The following MUC12 variants were observed in gnomAD, a reference collection of about 807,000 sequenced individuals.
MUC12 encodes the protein mucin-12.
A neutral mutation model predicts 230.8 loss-of-function variants in MUC12; 172 were observed. The observed-to-expected ratio is 0.75, with a 90% CI of 0.66 to 0.85. The LOEUF is 0.85. MUC12 is among the 40% of genes least tolerant of loss of function. The pLI, the probability that MUC12 is intolerant of heterozygous loss-of-function variation, is 0.00. For missense variants in MUC12, 3,506 were observed against 5,920.6 expected (o/e 0.59, Z 13.38); for synonymous variants, 1,259 against 2,401.9 (o/e 0.52, Z 13.91).
chr7:101,011,435 T>C (rs1793839111), intron 5 of MUC12, among the ~76,000 whole-genome samples: 1 of 152,176 alleles, frequency 6.6e-6, no homozygotes, highest in African/African-American at 2.4e-5. Flanking sequence ...CTTTCTTTTT[T>C]AAATTTTAAA....
At chr7:100,983,842 G>A (rs1180472999) in intron 1 of MUC12, among the ~76,000 whole-genome samples, 3 of 151,998 alleles carry the variant, frequency 2.0e-5, no homozygotes, top group Middle Eastern at 3.2e-3. Context: ...CTTTTATAAC[G>A]TAAAAATTCC....
chr7:100,989,458 C>A (rs1194263069), intron 1 of MUC12, among the ~76,000 whole-genome samples: 1 of 151,782 alleles, frequency 6.6e-6, no homozygotes, highest in Non-Finnish European at 1.5e-5. Context: ...GATGTGTAAA[C>A]CAGACAATAT....
intron 10 of MUC12, among the ~76,000 whole-genome samples, chr7:101,016,536 A>G (rs1793924022): frequency 6.6e-6 from 1 of 152,162 alleles, no homozygotes; most frequent in Admixed American, 6.5e-5. Context: ...GCTGGTCTCG[A>G]ACTCCAGACC....
Position 101,014,026 on chromosome 7 carries a change from T to G in MUC12, c.15752T>G (p.Leu5251Trp), listed in dbSNP as rs777830151. 2 of 1,536,878 alleles carry G rather than the reference T, an allele frequency of 1.3e-6. No homozygotes were observed. The highest frequency in any genetic ancestry group is 8.7e-7 in the Non-Finnish European group (1 of 1,146,814). Residue 5251 changes from leucine (L) to tryptophan (W), a missense_variant, in exon 9 of 12, where the codon TTG becomes TGG. Transcript: ENST00000536621. Reference protein sequence around the residue: ...GAVMAVLLLALIILIILFSLS... With the variant: ...GAVMAVLLLAWIILIILFSLS... ...GTGATGGCGGTGCTGCTGCTCGCAT[T>G]GATCATCCTAATCATCTTATTCAGC...
rs1051536855 is a variant in MUC12, at chr7:100,995,725, G to A, written c.5162G>A (p.Ser1721Asn). Reference sequence around the variant, plus strand: ...TCTACAACCTCCCACGGCAGCCCGAGCTCAACTCCAACAACCCACTTTTCT... The same window carrying A: ...TCTACAACCTCCCACGGCAGCCCGAACTCAACTCCAACAACCCACTTTTCT... ...ELSTTSHGSP[S>N]STPTTHFSAS... Residue 1721 changes from serine (S) to asparagine (N), a missense_variant, in exon 2 of 12, where the codon AGC becomes AAC. By Grantham distance (46) the Ser-to-Asn change is conservative (BLOSUM62 1). Transcript: ENST00000536621. 1.1e-5 allele frequency: 17 copies of A among 1,535,516 alleles called. No individual in the cohort carries two copies. The highest frequency in any genetic ancestry group is 1.7e-4 in the Middle Eastern group (1 of 6,000).
intron 4 of MUC12, 59 bp from the exon 5 acceptor site, chr7:101,009,036 T>C: frequency 6.6e-7 from 1 of 1,517,618 alleles, no homozygotes; most frequent in Middle Eastern, 2.0e-4. Flanking sequence ...TCAAGAAGGG[T>C]AACAGGAGAG....
In MUC12 at chr7:100,994,448, G is replaced by A; in HGVS notation, c.3885G>A (p.Glu1295=). ...GTCCCACAACACCAAGCCTCAGTGAGAAATCAACCACCTTCTACACTAGCC... is the reference window on the plus strand; with the variant it reads ...GTCCCACAACACCAAGCCTCAGTGAAAAATCAACCACCTTCTACACTAGCC... The part of the protein sequence containing the change: ...PGSPTTPSLS[E]KSTTFYTSPR... The change falls in exon 2 of 12, where the codon GAG becomes GAA. Residue 1295 remains glutamate (E), a synonymous_variant. Transcript: ENST00000536621. 2 of 989,564 alleles carry A rather than the reference G, an allele frequency of 2.0e-6. No individual in the cohort carries two copies. The highest frequency in any genetic ancestry group is 2.4e-5 in the Admixed American group (1 of 41,206). The allele number at this position is 989,564 out of a possible 1,614,324, so 61.3% of individuals were successfully genotyped here. A position where few individuals can be genotyped will look rare whatever the true frequency, so the allele number is the denominator to read the frequency against.
At chr7:100,986,566 A>G (rs138919710) in intron 1 of MUC12, among the ~76,000 whole-genome samples, 6 of 152,294 alleles carry the variant, frequency 3.9e-5, no homozygotes, top group African/African-American at 1.4e-4. Flanking sequence ...CAATGATTTG[A>G]TAGTGCTCTG....
At chr7:100,976,580 G>A (rs12536512) in intron 1 of MUC12, among the ~76,000 whole-genome samples, 15,099 of 150,426 alleles carry the variant, frequency 0.1, 1,194 homozygotes, top group Admixed American at 0.26. Flanking sequence ...CTCCAGCCTG[G>A]GCGACAGAGC....
intron 2 of MUC12, 55 bp downstream of exon 2, chr7:101,005,574 A>T: frequency 6.8e-7 from 1 of 1,473,696 alleles, no homozygotes; most frequent in South Asian, 1.3e-5. Flanking sequence ...CCTGTCCATG[A>T]GTCTTCTTCA....
intron 1 of MUC12, among the ~76,000 whole-genome samples, chr7:100,980,544 C>T (rs983479698): frequency 5.9e-5 from 9 of 152,182 alleles, no homozygotes; most frequent in South Asian, 2.1e-4. Flanking sequence ...TAATAAGTAA[C>T]GAGGCAATAA....
chr7:100,983,463 T>A (rs1395061850), intron 1 of MUC12, among the ~76,000 whole-genome samples: 1 of 151,386 alleles, frequency 6.6e-6, no homozygotes, highest in African/African-American at 2.4e-5. Context: ...TGCAGACTTG[T>A]TGTGATGTTG....
chr7:100,989,815 C>T (rs566724818), intron 1 of MUC12, among the ~76,000 whole-genome samples: 14 of 152,126 alleles, frequency 9.2e-5, no homozygotes, highest in Admixed American at 6.5e-4. Flanking sequence ...CCTAGCCTCC[C>T]AAGTAGATGG....
chr7:101,006,715 A>G (rs900443631), intron 3 of MUC12, 143 bp downstream of exon 3: 3 of 625,866 alleles, frequency 4.8e-6, no homozygotes, highest in African/African-American at 3.6e-5. Flanking sequence ...TAGGGAGAAC[A>G]TGAACCTTCT....
chr7:100,972,552 G>C (rs1173120049), intron 1 of MUC12, among the ~76,000 whole-genome samples: 1 of 57,646 alleles, frequency 1.7e-5, no homozygotes, highest in East Asian at 4.0e-4. Flanking sequence ...ACCCAGGCTG[G>C]AGTGCAGTGA....
rs1017639370 is a variant in MUC12, at chr7:100,972,651, C to T, written c.67+2962C>T. Among the ~76,000 whole-genome samples the T allele has an allele frequency of 3.1e-4, 47 of 152,076 alleles. 1 individual carries two copies. Among genetic ancestry groups the T allele is most frequent in the African/African-American group, 1.1e-3 (45 of 41,482 alleles). On this transcript the variant is annotated intron_variant, in intron 1 of 11. Transcript: ENST00000536621. Reference sequence around the variant, plus strand: ...TGGAGTAGCTGGGACTACAGGTGTGCGCCAACATGCTCAGCTAATTTTTTT... The same window carrying T: ...TGGAGTAGCTGGGACTACAGGTGTGTGCCAACATGCTCAGCTAATTTTTTT...
intron 8 of MUC12, 57 bp downstream of exon 8, chr7:101,013,199 T>C: frequency 3.3e-6 from 5 of 1,520,230 alleles, no homozygotes; most frequent in African/African-American, 1.4e-5. Context: ...GCCCTCCCCC[T>C]CCCCAGCAGT....
chr7:100,975,946 C>T (rs1293674084), intron 1 of MUC12, among the ~76,000 whole-genome samples: 52 of 152,320 alleles, frequency 3.4e-4, no homozygotes, highest in African/African-American at 1.2e-3. Context: ...ACACCCACAC[C>T]ACAGTTGGAG....
chr7:100,988,057 T>C (rs190122442), intron 1 of MUC12, among the ~76,000 whole-genome samples: 1 of 151,920 alleles, frequency 6.6e-6, no homozygotes, highest in Non-Finnish European at 1.5e-5. Context: ...CCCAGCACTC[T>C]GAGAGGCCAA....
Sources: allele counts gnomAD v4.1 joint callset (sites outside exome capture counted in the v4.1 genomes callset), GRCh38; gene constraint gnomAD v4.1.1; transcripts MANE v1.5; gene names NCBI Gene and HGNC (gene_info 2026-07-23, HGNC 2026-07-21).